SLC2A5: variants seen among roughly 807,000 people sequenced by gnomAD.
SLC2A5 encodes solute carrier family 2 member 5.
SLC2A5 carries 56 observed loss-of-function variants against 50.3 expected under a neutral mutation model. The ratio of observed to expected loss-of-function variants is 1.11; its 90% CI spans 0.90 to 1.39. The LOEUF is 1.39. Ranked by LOEUF, SLC2A5 falls within the 40% of genes most tolerant of loss-of-function variation. SLC2A5 has a pLI of 0.00. For missense variants in SLC2A5, 566 were observed against 650.1 expected (o/e 0.87, Z 1.41); for synonymous variants, 269 against 281.9 (o/e 0.95, Z 0.46).
At chr1:9,061,119 T>C (rs1255882508) in intron 1 of SLC2A5, among the ~76,000 whole-genome samples, 1 of 151,466 alleles carries the variant, frequency 6.6e-6, no homozygotes, top group African/African-American at 2.4e-5. Context: ...ACCTCGTCTC[T>C]ACTAAAAATT....
intron 2 of SLC2A5, among the ~76,000 whole-genome samples, chr1:9,083,332 T>C (rs893613860): frequency 3.3e-5 from 5 of 152,140 alleles, no homozygotes; most frequent in African/African-American, 1.2e-4. Flanking sequence ...ACAGGAATAA[T>C]ACAGGGTGGT....
At chr1:9,076,757 T>C (rs1029102507) in intron 2 of SLC2A5, among the ~76,000 whole-genome samples, 1 of 152,084 alleles carries the variant, frequency 6.6e-6, no homozygotes, top group African/African-American at 2.4e-5. Flanking sequence ...TGAATTTATG[T>C]TCCTATCAGC....
intron 2 of SLC2A5, among the ~76,000 whole-genome samples, chr1:9,077,774 AGG>A (rs1642308364): frequency 3.2e-4 from 28 of 88,220 alleles, no homozygotes; most frequent in South Asian, 8.8e-4. Flanking sequence ...GGAGGGAGGG[AGG>A]GAAAGAAGGG....
chr1:9,071,047 G>T (rs1354919715), upstream of SLC2A5, among the ~76,000 whole-genome samples: 1 of 152,160 alleles, frequency 6.6e-6, no homozygotes, highest in Non-Finnish European at 1.5e-5. Flanking sequence ...TTAATTGCAG[G>T]GGTAGGGTGG....
chr1:9,078,790 C>T (rs965773676), intron 2 of SLC2A5, among the ~76,000 whole-genome samples: 1 of 152,136 alleles, frequency 6.6e-6, no homozygotes, highest in Non-Finnish European at 1.5e-5. Context: ...ACTCAAGTTC[C>T]CACTCACGTC....
chr1:9,038,119 C>A, intron 10 of SLC2A5, 95 bp from the exon 11 acceptor site: 1 of 1,433,930 alleles, frequency 7.0e-7, no homozygotes, highest in Non-Finnish European at 9.5e-7. Context: ...GGCCCCAGGA[C>A]AGAGGCGTCT....
chr1:9,088,003 GTTGATGGCCTGAAAATGGCACCT>G (rs1642421481), intron 1 of SLC2A5, among the ~76,000 whole-genome samples: 1 of 152,128 alleles, frequency 6.6e-6, no homozygotes, highest in Non-Finnish European at 1.5e-5. Flanking sequence ...GATAATGACA[GTTGATGGCCTGAAAATGGCACCT>G]TTGACTTTCA....
At chr1:9,056,606 G>C (rs1641758904) in intron 3 of SLC2A5, among the ~76,000 whole-genome samples, 1 of 152,010 alleles carries the variant, frequency 6.6e-6, no homozygotes, top group Non-Finnish European at 1.5e-5. Flanking sequence ...TCCCTAGACG[G>C]GTTGGACAAG....
intron 3 of SLC2A5, among the ~76,000 whole-genome samples, chr1:9,052,191 G>A (rs1557669275): frequency 6.6e-6 from 1 of 152,214 alleles, no homozygotes; most frequent in African/African-American, 2.4e-5. Context: ...GGCTGAGGCA[G>A]GAGAATTGCT....
intron 2 of SLC2A5, among the ~76,000 whole-genome samples, chr1:9,081,438 G>A (rs1642351696): frequency 7.1e-6 from 1 of 141,004 alleles, no homozygotes; most frequent in Admixed American, 7.4e-5. Context: ...TTCAAGTCCA[G>A]CCTGGGCAAT....
rs151217487 is a variant in SLC2A5, at chr1:9,041,869, C to T, written c.487G>A (p.Gly163Arg). The change falls in exon 5 of 12, where the codon GGG (glycine) becomes AGG (arginine). Residue 163 changes from glycine (G) to arginine (R), a missense_variant. By Grantham distance (125) the Gly-to-Arg change is moderately radical. Transcript: ENST00000377424. The part of the protein sequence containing the change: ...LAPKNLRGAL[G>R]VVPQLFITVG... The stretch of plus-strand genomic sequence containing the variant: ...GTGATGAAGAGCTGGGGCACCACCC[C>T]GAGAGCCCCCCGCAGGTTTTTAGGG... 6.4e-5 allele frequency: 103 copies of T among 1,613,878 alleles called. 1 individual carries two copies. Among genetic ancestry groups the T allele is most frequent in the Middle Eastern group, 1.6e-4 (1 of 6,082 alleles).
chr1:9,071,665 C>T (rs1259679167), upstream of SLC2A5: 1 of 152,344 alleles, frequency 6.6e-6, no homozygotes. Context: ...AGCTGCGGGC[C>T]GCAGTACCCG....
chr1:9,079,560 C>T (rs1642330074), intron 2 of SLC2A5, among the ~76,000 whole-genome samples: 1 of 152,094 alleles, frequency 6.6e-6, no homozygotes, highest in Non-Finnish European at 1.5e-5. Flanking sequence ...ATCTTGGCTC[C>T]CTGCAACATT....
chr1:9,053,497 A>ATATATATATATATTATATATTTATATATT (rs1557670838), intron 3 of SLC2A5, among the ~76,000 whole-genome samples: 1 of 31,264 alleles, frequency 3.2e-5, no homozygotes, highest in Non-Finnish European at 7.0e-5. Flanking sequence ...ATTTATATAT[A>ATATATATATATATTATATATTTATATATT]ATATATATTA....
chr1:9,091,367 T>C (rs546012275), upstream of SLC2A5, among the ~76,000 whole-genome samples: 13 of 152,218 alleles, frequency 8.5e-5, no homozygotes, highest in Non-Finnish European at 1.6e-4. Flanking sequence ...CTCCAACCAG[T>C]GGCATATTTT....
At chr1:9,077,413 CA>C (rs1291797441) in intron 2 of SLC2A5, among the ~76,000 whole-genome samples, 12 of 120,178 alleles carry the variant, frequency 1.0e-4, no homozygotes, top group Admixed American at 3.4e-4. Flanking sequence ...AAAAAAAAAG[CA>C]AAAAAAAAAG....
At chr1:9,044,214 C>A (rs1641383359) in intron 4 of SLC2A5, among the ~76,000 whole-genome samples, 1 of 151,850 alleles carries the variant, frequency 6.6e-6, no homozygotes, top group Non-Finnish European at 1.5e-5. Context: ...GCCTACAGTG[C>A]TAGCTACTCA....
chr1:9,041,382 TA>T, intron 5 of SLC2A5: 1 of 940,030 alleles, frequency 1.1e-6, no homozygotes, highest in Non-Finnish European at 1.4e-6. Context: ...CAAAATGGGA[TA>T]ATCACTGAGT....
At chr1:9,087,750 G>A (rs974475892) in intron 1 of SLC2A5, among the ~76,000 whole-genome samples, 23 of 152,094 alleles carry the variant, frequency 1.5e-4, no homozygotes, top group African/African-American at 5.6e-4. Flanking sequence ...CTACTCTCCG[G>A]TGGGCTCTCA....
Sources: gnomAD v4.1 joint callset for allele counts (sites outside exome capture counted in the v4.1 genomes callset) on GRCh38, gnomAD v4.1.1 for gene constraint, MANE v1.5 for transcripts, NCBI Gene and HGNC (gene_info 2026-07-23, HGNC 2026-07-21) for gene names.